The following EPC2 variants were observed in gnomAD, a reference collection of about 807,000 sequenced individuals.
The protein encoded by EPC2 is enhancer of polycomb 2.
EPC2 carries 14 observed loss-of-function variants against 92.1 expected under a neutral mutation model. The ratio of observed to expected loss-of-function variants is 0.15; its 90% confidence interval spans 0.10 to 0.24. The LOEUF is 0.24. Among genes scored for constraint, EPC2 ranks in the 10% least tolerant of loss-of-function variants. The pLI, the probability that EPC2 is intolerant of heterozygous loss-of-function variation, is 1.00. For synonymous variants in EPC2, 340 were observed against 334.7 expected, an observed-to-expected ratio of 1.02 and a Z score of -0.17; for missense variants, 755 against 971.5, an observed-to-expected ratio of 0.78 and a Z score of 2.96.
intron 13 of EPC2, among the ~76,000 whole-genome samples, chr2:148,785,794 T>G (rs1468301981): frequency 6.6e-6 from 1 of 152,206 alleles, no homozygotes; most frequent in East Asian, 1.9e-4. Flanking sequence ...TAGTATATTT[T>G]AGAATGTTTT....
At chr2:148,711,260 G>C (rs184690631) in intron 2 of EPC2, among the ~76,000 whole-genome samples, 97 of 151,494 alleles carry the variant, frequency 6.4e-4, no homozygotes, top group Non-Finnish European at 1.1e-3. Flanking sequence ...CACAAATTTT[G>C]GTGTTAAATT....
At chr2:148,689,208 C>T (rs908495898) in intron 1 of EPC2, among the ~76,000 whole-genome samples, 53 of 151,122 alleles carry the variant, frequency 3.5e-4, no homozygotes, top group Non-Finnish European at 5.9e-5. Context: ...GACGGAGTCT[C>T]GCTGTGTCGC....
intron 2 of EPC2, among the ~76,000 whole-genome samples, chr2:148,739,833 CTTTTTTTT>C (rs144868417): frequency 2.3e-4 from 19 of 81,298 alleles, no homozygotes; most frequent in African/African-American, 7.9e-4. Context: ...TCTTCTTCTT[CTTTTTTTT>C]TTTTTTTTTT....
intron 2 of EPC2, among the ~76,000 whole-genome samples, chr2:148,742,784 C>CAAA (rs5835210): frequency 5.9e-5 from 8 of 135,084 alleles, no homozygotes; most frequent in Non-Finnish European, 7.7e-5. Flanking sequence ...GACCTTGCCT[C>CAAA]AAAAAAAAAA....
intron 2 of EPC2, among the ~76,000 whole-genome samples, chr2:148,698,289 G>A (rs1027039458): frequency 2.6e-5 from 4 of 151,906 alleles, no homozygotes; most frequent in Non-Finnish European, 4.4e-5. Context: ...CTGCCCCACC[G>A]CCCCCTCTAA....
intron 7 of EPC2, among the ~76,000 whole-genome samples, chr2:148,768,924 T>A (rs192979247): frequency 6.6e-6 from 1 of 152,330 alleles, no homozygotes; most frequent in East Asian, 1.9e-4. Flanking sequence ...AATCAAGCAA[T>A]ACCAATGCCA....
At chr2:148,711,588 C>T (rs779942614) in intron 2 of EPC2, among the ~76,000 whole-genome samples, 2 of 152,056 alleles carry the variant, frequency 1.3e-5, no homozygotes, top group South Asian at 2.1e-4. Context: ...AAATAAATGC[C>T]AATTAGATCA....
chr2:148,744,193 T>C (rs971965962), intron 3 of EPC2, among the ~76,000 whole-genome samples: 1 of 152,126 alleles, frequency 6.6e-6, no homozygotes, highest in African/African-American at 2.4e-5. Context: ...GGAAAAATTA[T>C]TTACAAAAGA....
intron 1 of EPC2, among the ~76,000 whole-genome samples, chr2:148,660,789 A>G (rs1680916411): frequency 6.6e-6 from 1 of 151,892 alleles, no homozygotes; most frequent in African/African-American, 2.4e-5. Context: ...CTGGTATGAG[A>G]TGCTACCTCC....
At chr2:148,709,228 G>T (rs1421217454) in intron 2 of EPC2, among the ~76,000 whole-genome samples, 10 of 152,044 alleles carry the variant, frequency 6.6e-5, no homozygotes, top group African/African-American at 1.4e-4. Flanking sequence ...AAATCATGAG[G>T]GAACTCCCAT....
intron 1 of EPC2, among the ~76,000 whole-genome samples, chr2:148,678,305 T>G (rs959178433): frequency 9.2e-5 from 14 of 152,172 alleles, no homozygotes; most frequent in Non-Finnish European, 1.8e-4. Context: ...GTTCTCCACG[T>G]CCCCACCAGA....
chr2:148,690,072 A>G lies in EPC2; in HGVS notation c.154-142A>G, dbSNP rs533167244. On this transcript the variant is annotated intron_variant, in intron 1 of 13. Transcript: ENST00000258484. ...ATTAAGAGAGAATGATGACAATGTA[A>G]CTGTAGGTCTTTGGCAAAGGAACTA... 2.3e-5 allele frequency: 16 copies of G among 704,394 alleles called. No homozygotes were observed. In the East Asian group the frequency reaches 3.8e-4, roughly 17 times the overall value. 43.6% of individuals were successfully genotyped at this position (704,394 alleles called of 1,614,324 possible). A position where few individuals can be genotyped will look rare whatever the true frequency, so the allele number is the denominator to read the frequency against.
chr2:148,651,634 A>G (rs1329860473), intron 1 of EPC2, among the ~76,000 whole-genome samples: 1 of 152,108 alleles, frequency 6.6e-6, no homozygotes, highest in African/African-American at 2.4e-5. Context: ...GTTGTCATGG[A>G]TTAACCCATT....
chr2:148,688,521 C>A (rs1038196248), intron 1 of EPC2, among the ~76,000 whole-genome samples: 2 of 151,902 alleles, frequency 1.3e-5, no homozygotes, highest in Non-Finnish European at 2.9e-5. Context: ...ATGTAACAAA[C>A]CTGCACATTG....
At chr2:148,776,729 C>T (rs1272717087) in intron 10 of EPC2, among the ~76,000 whole-genome samples, 1 of 152,088 alleles carries the variant, frequency 6.6e-6, no homozygotes, top group African/African-American at 2.4e-5. Flanking sequence ...TACCAAAACT[C>T]TTGTAACACT....
chr2:148,701,106 A>T (rs72862693), intron 2 of EPC2, among the ~76,000 whole-genome samples: 1 of 152,190 alleles, frequency 6.6e-6, no homozygotes, highest in Non-Finnish European at 1.5e-5. Context: ...TGACTTTTGT[A>T]TATTAACTTT....
intron 2 of EPC2, among the ~76,000 whole-genome samples, chr2:148,726,874 T>C (rs1286664515): frequency 6.6e-6 from 1 of 151,428 alleles, no homozygotes; most frequent in Non-Finnish European, 1.5e-5. Context: ...TCCCTTTCCA[T>C]AAGGTTGCCT....
intron 2 of EPC2, among the ~76,000 whole-genome samples, chr2:148,722,502 G>T (rs958406710): frequency 1.3e-5 from 2 of 152,188 alleles, no homozygotes; most frequent in Non-Finnish European, 1.5e-5. Flanking sequence ...CAGAAAAGCT[G>T]TTATTAAAAA....
chr2:148,721,890 C>CTTTCT lies in EPC2; in HGVS notation c.314-21729_314-21728insCTTTT, dbSNP rs368720620. ...TTTGTTTCTTTTTCTGTTTTGATTT[C>CTTTCT]TTTTTTTTTTTTTTTTTCAGAATTC... On this transcript the variant is annotated intron_variant, in intron 2 of 13. Coordinates refer to ENST00000258484, the MANE Select transcript of EPC2 (RefSeq NM_015630.4). Among the ~76,000 whole-genome samples, 164 of 60,770 alleles carry CTTTCT rather than the reference C, an allele frequency of 2.7e-3. 3 individuals are homozygous for CTTTCT. The highest frequency in any genetic ancestry group is 0.01 in the African/African-American group (154 of 15,368). 39.9% of individuals were successfully genotyped at this position (60,770 alleles called of 152,430 possible). A position where few individuals can be genotyped will look rare whatever the true frequency, so the allele number is the denominator to read the frequency against.
Sources: allele counts gnomAD v4.1 joint callset (sites outside exome capture counted in the v4.1 genomes callset), GRCh38; gene constraint gnomAD v4.1.1; transcripts MANE v1.5; gene names NCBI Gene and HGNC (gene_info 2026-07-23, HGNC 2026-07-21).